The following DKK2 variants were observed in gnomAD, a reference collection of about 807,000 sequenced individuals.
The protein encoded by DKK2 is dickkopf Wnt signaling pathway inhibitor 2, also known as dickkopf-related protein 2.
A neutral mutation model predicts 28.1 loss-of-function variants in DKK2; 11 were observed. The ratio of observed to expected loss-of-function variants is 0.39; its 90% CI spans 0.25 to 0.65. The LOEUF is 0.65. DKK2 is among the 30% of genes least tolerant of loss of function. The pLI, the probability that DKK2 is intolerant of heterozygous loss-of-function variation, is 0.47. For missense variants in DKK2, 326 were observed against 335.5 expected (o/e 0.97, Z 0.22); for synonymous variants, 135 against 126.5 (o/e 1.07, Z -0.45).
intron 1 of DKK2, among the ~76,000 whole-genome samples, chr4:106,938,296 G>C (rs1280419883): frequency 2.0e-5 from 3 of 152,030 alleles, no homozygotes; most frequent in Admixed American, 2.0e-4. Flanking sequence ...TATCACCACC[G>C]ATCCAACAGA....
chr4:106,979,904 A>G (rs1386316001), intron 1 of DKK2, among the ~76,000 whole-genome samples: 2 of 152,326 alleles, frequency 1.3e-5, no homozygotes, highest in South Asian at 4.1e-4. Flanking sequence ...GGTCAAATAG[A>G]TTCATAAGGG....
intron 1 of DKK2, among the ~76,000 whole-genome samples, chr4:106,941,243 G>T (rs1724694479): frequency 1.3e-5 from 2 of 151,974 alleles, no homozygotes; most frequent in South Asian, 4.2e-4. Flanking sequence ...CAGTAAGTCT[G>T]TTTATTTTTC....
In DKK2 at chr4:107,005,272, C is replaced by T. The variant is rs1311576483; in HGVS notation, c.222+30098G>A. Among the ~76,000 whole-genome samples, 2 of 135,878 alleles carry T rather than the reference C, an allele frequency of 1.5e-5. 1 individual carries two copies. The highest frequency in any genetic ancestry group is 5.1e-4 in the South Asian group (2 of 3,960). The allele number at this position is 135,878 out of a possible 152,430, so 89.1% of individuals were successfully genotyped here. The stretch of plus-strand genomic sequence containing the variant: ...AGGAGCAAGGCGTGAACCCGGGAGG[C>T]GGAGCTTGCAGTGAGCCAAGATCGT... On this transcript the variant is annotated intron_variant, in intron 1 of 3. Coordinates refer to ENST00000285311, the MANE Select transcript of DKK2 (RefSeq NM_014421.3).
chr4:107,025,844 G>A (rs1021414229), intron 1 of DKK2, among the ~76,000 whole-genome samples: 2 of 152,164 alleles, frequency 1.3e-5, no homozygotes, highest in Non-Finnish European at 1.5e-5. Flanking sequence ...AACTGTCTAC[G>A]TATAATTTAT....
intron 1 of DKK2, among the ~76,000 whole-genome samples, chr4:106,998,343 T>A (rs1470701511): frequency 1.3e-5 from 2 of 152,198 alleles, no homozygotes; most frequent in Non-Finnish European, 2.9e-5. Context: ...GAAGTATACA[T>A]AAAATGTTTC....
In DKK2 at chr4:107,013,624, G is replaced by A. The variant is rs144787893; in HGVS notation, c.222+21746C>T. On this transcript the variant is annotated intron_variant, in intron 1 of 3. Coordinates refer to ENST00000285311, the MANE Select transcript of DKK2 (RefSeq NM_014421.3). ...GCAGGAGAAATGCTTTATGACATTG[G>A]CCTGGGCAATAAATTTTTAGATAGG... Among the ~76,000 whole-genome samples the A allele has an allele frequency of 1.9e-3, 285 of 151,456 alleles. 1 individual carries two copies. The highest frequency in any genetic ancestry group is 6.4e-3 in the African/African-American group (267 of 41,428).
chr4:107,013,439 G>C (rs555477264), intron 1 of DKK2, among the ~76,000 whole-genome samples: 20 of 151,392 alleles, frequency 1.3e-4, no homozygotes, highest in African/African-American at 4.8e-4. Context: ...CATACATTAG[G>C]GAAAGGACAG....
At chr4:106,965,555 G>C (rs1465096397) in intron 1 of DKK2, among the ~76,000 whole-genome samples, 33 of 151,804 alleles carry the variant, frequency 2.2e-4, no homozygotes, top group Admixed American at 2.0e-3. Context: ...GGTTATACTT[G>C]AAACTCAGTG....
chr4:107,035,257 T>A lies in DKK2; in HGVS notation c.222+113A>T, dbSNP rs1723944884. On this transcript the variant is annotated intron_variant, in intron 1 of 3. Transcript: ENST00000285311. ...TGAATCCCTCCCCAGCCGCCTGTTC[T>A]CTGTATCTGGGGCCACGCTCCGAAT... 6.2e-6 allele frequency: 8 copies of A among 1,280,642 alleles called. 2 individuals carry two copies. The South Asian group carries it at 1.1e-4, about 18-fold the overall frequency. The allele number at this position is 1,280,642 out of a possible 1,614,324, so 79.3% of individuals were successfully genotyped here. A position where few individuals can be genotyped will look rare whatever the true frequency, so the allele number is the denominator to read the frequency against.
chr4:107,012,221 T>C (rs1184742115), intron 1 of DKK2, among the ~76,000 whole-genome samples: 1 of 151,436 alleles, frequency 6.6e-6, no homozygotes, highest in Non-Finnish European at 1.5e-5. Context: ...AAACCTGTTT[T>C]ATGACAGCTT....
At chr4:106,952,416 G>A (rs965065774) in intron 1 of DKK2, among the ~76,000 whole-genome samples, 24 of 152,058 alleles carry the variant, frequency 1.6e-4, no homozygotes, top group African/African-American at 4.8e-4. Flanking sequence ...ATGATAGTAG[G>A]TATAGCAGAA....
intron 1 of DKK2, among the ~76,000 whole-genome samples, chr4:106,966,636 C>G (rs1358239735): frequency 1.3e-5 from 2 of 152,136 alleles, no homozygotes; most frequent in Non-Finnish European, 2.9e-5. Flanking sequence ...GGTCCTAATT[C>G]TCTGGAGGCT....
chr4:107,033,132 G>C (rs1430678704), intron 1 of DKK2, among the ~76,000 whole-genome samples: 1 of 152,144 alleles, frequency 6.6e-6, no homozygotes, highest in Non-Finnish European at 1.5e-5. Flanking sequence ...ACATTTGCCA[G>C]CTAGCCTCCT....
chr4:106,943,364 T>G (rs538735579), intron 1 of DKK2, among the ~76,000 whole-genome samples: 2 of 152,242 alleles, frequency 1.3e-5, no homozygotes, highest in South Asian at 4.2e-4. Flanking sequence ...ATTTATCCAC[T>G]AATGAATTAA....
chr4:107,011,757 C>A (rs569697948), intron 1 of DKK2, among the ~76,000 whole-genome samples: 1 of 151,142 alleles, frequency 6.6e-6, no homozygotes, highest in African/African-American at 2.4e-5. Context: ...AAAAACACAA[C>A]ATACAGTTTG....
At chr4:106,998,053 G>A (rs1180873993) in intron 1 of DKK2, among the ~76,000 whole-genome samples, 1 of 152,142 alleles carries the variant, frequency 6.6e-6, no homozygotes, top group Non-Finnish European at 1.5e-5. Context: ...ATGACCTGGA[G>A]CTCATTGGGT....
chr4:106,924,959 T>C (rs17037105), intron 2 of DKK2, among the ~76,000 whole-genome samples: 14,010 of 152,280 alleles, frequency 0.092, 793 homozygotes, highest in African/African-American at 0.16. Context: ...TAATTTTATA[T>C]AGTCACAAAG....
At chr4:106,950,699 T>C (rs1306278375) in intron 1 of DKK2, among the ~76,000 whole-genome samples, 1 of 152,202 alleles carries the variant, frequency 6.6e-6, no homozygotes, top group African/African-American at 2.4e-5. Flanking sequence ...CCCCAAAGAT[T>C]CTTACTCCAA....
intron 1 of DKK2, among the ~76,000 whole-genome samples, chr4:107,024,340 C>T (rs1196241261): frequency 6.6e-6 from 1 of 152,096 alleles, no homozygotes; most frequent in African/African-American, 2.4e-5. Context: ...GGCAAGAAAG[C>T]TGTTTGTAGC....
Sources: gnomAD v4.1 joint callset for allele counts (sites outside exome capture counted in the v4.1 genomes callset) on GRCh38, gnomAD v4.1.1 for gene constraint, MANE v1.5 for transcripts, NCBI Gene and HGNC (gene_info 2026-07-23, HGNC 2026-07-21) for gene names.